Variants in GALNT13 observed in about 807,000 individuals in gnomAD.
GALNT13 encodes polypeptide N-acetylgalactosaminyltransferase 13.
In GALNT13, 28 loss-of-function variants were observed where a neutral mutation model predicts 64.2. The observed-to-expected ratio is 0.44, with a 90% CI of 0.32 to 0.60. The LOEUF (loss-of-function observed/expected upper bound fraction) is 0.60. GALNT13 is among the 20% of genes least tolerant of loss of function. The pLI, the probability that GALNT13 is intolerant of heterozygous loss-of-function variation, is 0.05. For missense variants in GALNT13, 577 were observed against 669.8 expected (o/e 0.86, Z 1.53); for synonymous variants, 214 against 224.6 (o/e 0.95, Z 0.42).
At chr2:153,072,808 G>A in the GALNT13 span, among the ~76,000 whole-genome samples, 2 of 152,094 alleles carry the variant, frequency 1.3e-5, no homozygotes, top group East Asian at 3.9e-4. Flanking sequence ...TTCATCCTTT[G>A]CATAAAACTC....
At chr2:153,494,531 T>C in the GALNT13 span, among the ~76,000 whole-genome samples, 3 of 152,024 alleles carry the variant, frequency 2.0e-5, no homozygotes, top group African/African-American at 7.2e-5. Flanking sequence ...CTTTTAGATG[T>C]TGCTAGGATA....
chr2:153,718,817 C>G, the GALNT13 span, among the ~76,000 whole-genome samples: 6 of 152,164 alleles, frequency 3.9e-5, no homozygotes, highest in Non-Finnish European at 8.8e-5. Flanking sequence ...TTACAATACA[C>G]TTTGAAAATT....
At chr2:154,190,949 A>T (rs1222659752) in intron 4 of GALNT13, among the ~76,000 whole-genome samples, 5 of 152,194 alleles carry the variant, frequency 3.3e-5, no homozygotes. Context: ...TCTGGTGTGT[A>T]TCTTATACTT....
chr2:154,123,382 A>G (rs1394245910), intron 3 of GALNT13, among the ~76,000 whole-genome samples: 1 of 152,024 alleles, frequency 6.6e-6, no homozygotes, highest in East Asian at 1.9e-4. Flanking sequence ...GGTTCAGTCT[A>G]GGGTGACCCT....
At chr2:153,494,840 A>G in the GALNT13 span, among the ~76,000 whole-genome samples, 1 of 152,092 alleles carries the variant, frequency 6.6e-6, no homozygotes, top group Non-Finnish European at 1.5e-5. Flanking sequence ...GAGAAAACAT[A>G]CATATCCAGA....
chr2:154,415,832 G>A (rs1427765967), intron 11 of GALNT13, among the ~76,000 whole-genome samples: 1 of 152,078 alleles, frequency 6.6e-6, no homozygotes, highest in Non-Finnish European at 1.5e-5. Context: ...TATAAGTACT[G>A]TAATTACTTA....
At chr2:153,760,645 T>G in the GALNT13 span, among the ~76,000 whole-genome samples, 1 of 152,174 alleles carries the variant, frequency 6.6e-6, no homozygotes, top group Non-Finnish European at 1.5e-5. Flanking sequence ...ACTTGTTTTG[T>G]AGCCTAAGAT....
At chr2:153,469,241 A>G in the GALNT13 span, among the ~76,000 whole-genome samples, 1 of 152,116 alleles carries the variant, frequency 6.6e-6, no homozygotes, top group African/African-American at 2.4e-5. Context: ...CTGTGCCTCC[A>G]GCCTCAGATT....
chr2:153,578,658 C>CT, the GALNT13 span, among the ~76,000 whole-genome samples: 5 of 152,172 alleles, frequency 3.3e-5, no homozygotes, highest in African/African-American at 1.2e-4. Flanking sequence ...CCTTCAAGGG[C>CT]TATGATTTTA....
chr2:153,566,002 T>C, the GALNT13 span, among the ~76,000 whole-genome samples: 9 of 152,276 alleles, frequency 5.9e-5, no homozygotes, highest in Non-Finnish European at 8.8e-5. Flanking sequence ...TTTGATATAG[T>C]TGTATTTCTG....
chr2:153,997,366 T>G (rs1695588594), intron 3 of GALNT13, among the ~76,000 whole-genome samples: 1 of 152,154 alleles, frequency 6.6e-6, no homozygotes, highest in African/African-American at 2.4e-5. Context: ...ATTACTGTTT[T>G]ATAGTTTTTG....
At chr2:153,549,434 G>A in the GALNT13 span, among the ~76,000 whole-genome samples, 2 of 152,202 alleles carry the variant, frequency 1.3e-5, no homozygotes, top group East Asian at 1.9e-4. Flanking sequence ...TCAAGAGGTA[G>A]AGCTTATTTC....
At chr2:153,845,595 G>A in the GALNT13 span, among the ~76,000 whole-genome samples, 1 of 152,210 alleles carries the variant, frequency 6.6e-6, no homozygotes, top group Admixed American at 6.5e-5. Context: ...AGATTTGGAC[G>A]GGGACAGATA....
chr2:153,305,055 T>G, the GALNT13 span, among the ~76,000 whole-genome samples: 7 of 152,154 alleles, frequency 4.6e-5, no homozygotes, highest in Non-Finnish European at 1.0e-4. Flanking sequence ...AATTTTTACT[T>G]TGATTCAGGC....
At chr2:154,404,012 A>G (rs1304345724) in intron 10 of GALNT13, among the ~76,000 whole-genome samples, 1 of 152,150 alleles carries the variant, frequency 6.6e-6, no homozygotes, top group African/African-American at 2.4e-5. Context: ...TATTATCATC[A>G]TATTGGAGGT....
chr2:153,417,317 C>T, the GALNT13 span, among the ~76,000 whole-genome samples: 1 of 152,124 alleles, frequency 6.6e-6, no homozygotes, highest in Non-Finnish European at 1.5e-5. Flanking sequence ...TAGGGCCTTG[C>T]AGGCCCAGTC....
chr2:153,545,235 T>C, the GALNT13 span, among the ~76,000 whole-genome samples: 86,554 of 151,920 alleles, frequency 0.57, 27,117 homozygotes, highest in African/African-American at 0.81. Flanking sequence ...ATTTCTGAGA[T>C]ATGGCCCTTC....
At chr2:154,285,747 G>A (rs531148500) in intron 8 of GALNT13, among the ~76,000 whole-genome samples, 2 of 152,024 alleles carry the variant, frequency 1.3e-5, no homozygotes, top group South Asian at 2.1e-4. Flanking sequence ...TTATATTTCT[G>A]TGAAAATAAC....
At chr2:153,898,856 CAA>C (rs35168611) in intron 1 of GALNT13, among the ~76,000 whole-genome samples, 428 of 99,346 alleles carry the variant, frequency 4.3e-3, no homozygotes, top group Admixed American at 7.1e-3. Context: ...AGTTGCACAG[CAA>C]AAAAAAAAAA....
Sources: gnomAD v4.1 joint callset for allele counts (sites outside exome capture counted in the v4.1 genomes callset) on GRCh38, gnomAD v4.1.1 for gene constraint, MANE v1.5 for transcripts, NCBI Gene and HGNC (gene_info 2026-07-23, HGNC 2026-07-21) for gene names.